SPON2: variants seen among roughly 807,000 people sequenced by gnomAD.
SPON2 encodes spondin-2.
In SPON2, 32 loss-of-function variants were observed where a neutral mutation model predicts 29.9. That is an observed-to-expected ratio of 1.07 (90% CI 0.81 to 1.44). The LOEUF (loss-of-function observed/expected upper bound fraction) is 1.44, where lower values mean the gene tolerates loss of function less well. Ranked by LOEUF, SPON2 falls within the 40% of genes most tolerant of loss-of-function variation. The pLI is 0.00. For missense variants in SPON2, 541 were observed against 455.5 expected (o/e 1.19, Z -1.71); for synonymous variants, 248 against 209.1 (o/e 1.19, Z -1.61).
chr4:1,203,065 C>T (rs1418131068), intron 1 of SPON2, among the ~76,000 whole-genome samples: 4 of 152,178 alleles, frequency 2.6e-5, no homozygotes, highest in African/African-American at 7.2e-5. Context: ...GTTTTTCCTC[C>T]GAATTCTGCC....
chr4:1,168,746 C>G (rs1294984121), intron 5 of SPON2, among the ~76,000 whole-genome samples: 1 of 152,202 alleles, frequency 6.6e-6, no homozygotes, highest in African/African-American at 2.4e-5. Context: ...AGTGCCTGTT[C>G]TACAGCGAGG....
chr4:1,198,763 G>C (rs186090315), upstream of SPON2, among the ~76,000 whole-genome samples: 6 of 152,152 alleles, frequency 3.9e-5, no homozygotes, highest in African/African-American at 7.2e-5. Flanking sequence ...AATTAGCACA[G>C]AAAATTCAGA....
chr4:1,178,840 A>G (rs1450098506), intron 2 of SPON2, among the ~76,000 whole-genome samples: 2 of 152,046 alleles, frequency 1.3e-5, no homozygotes, highest in African/African-American at 4.8e-5. Flanking sequence ...GACCTCCCAC[A>G]CTGCACAGCA....
chr4:1,175,587 G>C (rs922231504), upstream of SPON2, among the ~76,000 whole-genome samples: 4 of 151,570 alleles, frequency 2.6e-5, no homozygotes, highest in African/African-American at 9.7e-5. Flanking sequence ...CTCCAGCTAA[G>C]ATATAGGGTG....
rs1038532306 is a variant in SPON2 at position 1,202,249 on chromosome 4, G to A, written c.-234+5631C>T. Among the ~76,000 whole-genome samples, 11 of 152,200 alleles carry A rather than the reference G, an allele frequency of 7.2e-5. No individual in the cohort carries two copies. The highest frequency in any genetic ancestry group is 2.2e-4 in the African/African-American group (9 of 41,436). On this transcript the variant is annotated intron_variant, in intron 1 of 3. Coordinates refer to the SPON2 transcript ENST00000509233. This position sits in a 1 kb window ranked among gnomAD's most constrained non-coding sequence, Gnocchi z 5.4. Reference sequence around the variant, plus strand: ...GTCGCATCCTCACCGGCTGGAGGGTGGGTCTGCCCCACAAGCCCTTTTCAT... The same window carrying A: ...GTCGCATCCTCACCGGCTGGAGGGTAGGTCTGCCCCACAAGCCCTTTTCAT...
chr4:1,171,407 GCGCT>G lies in SPON2; in HGVS notation c.296_299del (p.Glu99AlafsTer7). On this transcript the variant is annotated frameshift_variant, in exon 3 of 6. Transcript: ENST00000290902. LOFTEE classifies it high-confidence loss of function. Reference sequence around the variant, plus strand: ...CCTTCATCAGCGCCCAGGCCTCGCCGCGCTCCGCAAAGTCGCGCAGCCCGTTACT... The same window carrying G: ...CCTTCATCAGCGCCCAGGCCTCGCCGCCGCAAAGTCGCGCAGCCCGTTACT... 6.2e-7 allele frequency: 1 copy of G among 1,612,268 alleles called. No homozygotes were observed. The highest frequency in any genetic ancestry group is 1.7e-5 in the Admixed American group (1 of 60,020).
chr4:1,205,574 G>A lies in SPON2; in HGVS notation c.-234+2306C>T, dbSNP rs578124008. ...CAATCCTGTCCCCAGAGGCCCCATC[G>A]GAGCCGCCTGGCCTTCCCTGCCAGC... On this transcript the variant is annotated intron_variant, in intron 1 of 3. Coordinates refer to the SPON2 transcript ENST00000509233. Among the ~76,000 whole-genome samples, 205 of 88,474 alleles carry A rather than the reference G, an allele frequency of 2.3e-3. 1 individual carries two copies. The highest frequency in any genetic ancestry group is 6.6e-3 in the African/African-American group (197 of 29,716). 58.0% of individuals were successfully genotyped at this position (88,474 alleles called of 152,430 possible). A position where few individuals can be genotyped will look rare whatever the true frequency, so the allele number is the denominator to read the frequency against.
intron 5 of SPON2, chr4:1,170,161 T>G (rs1024468426): frequency 2.0e-6 from 1 of 499,870 alleles, no homozygotes; most frequent in African/African-American, 2.0e-5. Context: ...GTCTGGAGCC[T>G]CCTTTCATTC....
At chr4:1,170,331 C>G in intron 5 of SPON2, 71 bp downstream of exon 5, 1 of 1,462,210 alleles carries the variant, frequency 6.8e-7, no homozygotes, top group Non-Finnish European at 9.4e-7. Flanking sequence ...GCCTTAGGTT[C>G]GGGTTTGGTG....
At chr4:1,207,085 T>C (rs1577003204) in intron 1 of SPON2, among the ~76,000 whole-genome samples, 1 of 151,620 alleles carries the variant, frequency 6.6e-6, no homozygotes, top group African/African-American at 2.4e-5. Context: ...TGTGGGCAGG[T>C]GCAGGGCAGT....
In SPON2 at chr4:1,194,723, C is replaced by A. The variant is rs1266630949; in HGVS notation, c.-239+267G>T. Among the ~76,000 whole-genome samples the A allele has an allele frequency of 2.0e-5, 3 of 152,008 alleles. No individual in the cohort carries two copies. The South Asian group carries it at 6.2e-4, about 31-fold the overall frequency. On this transcript the variant is annotated intron_variant, in intron 1 of 3. Transcript: ENST00000502483. ...CGCTGGTGGCCTGGTTTCTGCCGGG[C>A]GCGGGGGGAATGTGGGTCAGCGTTT...
At chr4:1,200,900 C>G (rs781070406) in intron 1 of SPON2, 1 of 456,550 alleles carries the variant, frequency 2.2e-6, no homozygotes, top group African/African-American at 2.0e-5. Flanking sequence ...CTGAGCACCA[C>G]GTGGTGCCTC....
chr4:1,187,808 T>C (rs1342376942), intron 1 of SPON2, among the ~76,000 whole-genome samples: 2 of 152,196 alleles, frequency 1.3e-5, no homozygotes, highest in Non-Finnish European at 2.9e-5. Context: ...TCTGCAGTTG[T>C]CTTTTAAATC....
chr4:1,184,289 A>G (rs1727751820), intron 1 of SPON2, among the ~76,000 whole-genome samples: 1 of 152,222 alleles, frequency 6.6e-6, no homozygotes, highest in Non-Finnish European at 1.5e-5. Context: ...TTAAATGAAA[A>G]TGAATTAAAC....
At chr4:1,188,902 G>A (rs922354607) in intron 1 of SPON2, among the ~76,000 whole-genome samples, 8 of 152,122 alleles carry the variant, frequency 5.3e-5, no homozygotes, top group African/African-American at 7.2e-5. Context: ...TCAAGTGCAC[G>A]TGGAATGTCT....
intron 1 of SPON2, among the ~76,000 whole-genome samples, chr4:1,203,818 T>C (rs1366225970): frequency 6.6e-6 from 1 of 152,198 alleles, no homozygotes; most frequent in Non-Finnish European, 1.5e-5. Flanking sequence ...CAGCTTGTCA[T>C]GAGCTTGTTG....
At chr4:1,170,693 G>A (rs1192911506) in intron 4 of SPON2, 117 bp from the exon 5 acceptor site, 4 of 1,268,910 alleles carry the variant, frequency 3.2e-6, no homozygotes, top group Non-Finnish European at 4.5e-6. Context: ...CCACTGTTGG[G>A]GACAGGGTCC....
rs564172731 is a variant in SPON2, at chr4:1,202,617, G to A, written c.-234+5263C>T. Among the ~76,000 whole-genome samples the A allele has an allele frequency of 6.6e-6, 1 of 151,902 alleles. No individual in the cohort carries two copies. The highest frequency in any genetic ancestry group is 1.9e-4 in the East Asian group (1 of 5,138). On this transcript the variant is annotated intron_variant, in intron 1 of 3. Coordinates refer to the SPON2 transcript ENST00000509233. The surrounding 1 kb of genome is among the most constrained non-coding windows in gnomAD (Gnocchi z 5.4). Reference sequence around the variant, plus strand: ...CATGGGTCGGAGTCTCCTGCCTGCCGCTCTCCCAGGCTGTGCTTGCTCGCT... The same window carrying A: ...CATGGGTCGGAGTCTCCTGCCTGCCACTCTCCCAGGCTGTGCTTGCTCGCT...
At chr4:1,176,784 C>G (rs1031923865), upstream of SPON2, among the ~76,000 whole-genome samples, 1 of 152,170 alleles carries the variant, frequency 6.6e-6, no homozygotes, top group Non-Finnish European at 1.5e-5. Context: ...ATTCAATCAT[C>G]CATTCATACA....
Sources: allele counts gnomAD v4.1 joint callset (sites outside exome capture counted in the v4.1 genomes callset), GRCh38; gene constraint gnomAD v4.1.1; non-coding constraint Gnocchi (gnomAD v3.1); transcripts MANE v1.5; gene names NCBI Gene and HGNC (gene_info 2026-07-23, HGNC 2026-07-21).